Variants in RASSF8 observed in about 807,000 individuals in gnomAD.
RASSF8 encodes the protein Ras association domain family member 8, also known as ras association domain-containing protein 8.
RASSF8 carries 22 observed loss-of-function variants against 48.5 expected under a neutral mutation model. That is an observed-to-expected ratio of 0.45 (90% CI 0.32 to 0.65). The LOEUF (loss-of-function observed/expected upper bound fraction) is 0.65. Among genes scored for constraint, RASSF8 ranks in the 30% least tolerant of loss-of-function variants. RASSF8 has a pLI of 0.03. For missense variants in RASSF8, 418 were observed against 489.2 expected, an observed-to-expected ratio of 0.85 and a Z score of 1.37; for synonymous variants, 127 against 171.5, an observed-to-expected ratio of 0.74 and a Z score of 2.03.
At position 26,022,219 on chromosome 12, in the gene RASSF8, CAG is replaced by C. The variant is rs534420120; in HGVS notation, c.-109+27092_-109+27093del. 4.6e-5 allele frequency among the ~76,000 whole-genome samples: 7 copies of C among 152,268 alleles called. No homozygotes were observed. The South Asian group carries it at 1.5e-3, about 32-fold the overall frequency. ...GCAAAAGAGAGATAAGGGAAAGAGA[CAG>C]AGTCCTGCTAACATGACACTGTCAT... On this transcript the variant is annotated intron_variant, in intron 2 of 5. Transcript: ENST00000689635.
chr12:26,034,583 G>A (rs930168755), intron 2 of RASSF8, among the ~76,000 whole-genome samples: 11 of 152,064 alleles, frequency 7.2e-5, no homozygotes, highest in African/African-American at 2.4e-4. Flanking sequence ...CAGTGGGAAT[G>A]ACTAAGCAAA....
intron 1 of RASSF8, among the ~76,000 whole-genome samples, chr12:25,964,740 C>T (rs891623849): frequency 1.3e-5 from 2 of 152,034 alleles, no homozygotes; most frequent in South Asian, 2.1e-4. Flanking sequence ...GATTTATAAT[C>T]GATGAAACTC....
chr12:26,062,706 A>G lies in RASSF8; in HGVS notation c.104-1792A>G, dbSNP rs12318872. ...GGCAAGGGAGGGGAAAAAATAAATA[A>G]ATAAATAAAAGATCATTGTGATGAC... On this transcript the variant is annotated intron_variant, in intron 3 of 5. Coordinates refer to ENST00000689635, the MANE Select transcript of RASSF8 (RefSeq NM_001394098.1). Among the ~76,000 whole-genome samples, 1,093 of 152,296 alleles carry G rather than the reference A, an allele frequency of 7.2e-3. 15 individuals carry two copies. The highest frequency in any genetic ancestry group is 0.025 in the African/African-American group (1,037 of 41,562).
intron 1 of RASSF8, among the ~76,000 whole-genome samples, chr12:25,983,394 A>G (rs897175232): frequency 1.3e-5 from 2 of 152,256 alleles, no homozygotes; most frequent in Non-Finnish European, 2.9e-5. Context: ...TGTGACCCAC[A>G]GAAAGAAATT....
intron 2 of RASSF8, among the ~76,000 whole-genome samples, chr12:26,018,710 A>T (rs569942739): frequency 6.6e-6 from 1 of 152,220 alleles, no homozygotes; most frequent in Admixed American, 6.5e-5. Context: ...CAAACCAGGG[A>T]TAATTACCTG....
chr12:25,978,968 C>G (rs1334478455), intron 1 of RASSF8, among the ~76,000 whole-genome samples: 1 of 152,044 alleles, frequency 6.6e-6, no homozygotes, highest in East Asian at 1.9e-4. Context: ...ACAGCAGTCA[C>G]AGTACTTCAT....
At chr12:26,019,579 G>C (rs1162260788) in intron 2 of RASSF8, among the ~76,000 whole-genome samples, 2 of 149,422 alleles carry the variant, frequency 1.3e-5, no homozygotes, top group South Asian at 4.2e-4. Flanking sequence ...GTGTGTGTGT[G>C]TGTGTGTGTG....
At chr12:26,000,852 G>A (rs1942238725) in intron 2 of RASSF8, among the ~76,000 whole-genome samples, 1 of 152,144 alleles carries the variant, frequency 6.6e-6, no homozygotes, top group African/African-American at 2.4e-5. Flanking sequence ...AATGGAGCTT[G>A]CAGGTCTGGA....
chr12:26,046,334 C>T (rs554647934), intron 2 of RASSF8, among the ~76,000 whole-genome samples: 1 of 152,294 alleles, frequency 6.6e-6, no homozygotes, highest in South Asian at 2.1e-4. Context: ...ATAGAAGTAA[C>T]TGTGTCACTA....
Position 25,959,110 on chromosome 12 carries a change from T to G in RASSF8, c.-241T>G, listed in dbSNP as rs1941159396. On this transcript the variant is annotated 5_prime_UTR_variant, in exon 1 of 6. Transcript: ENST00000689635. The stretch of plus-strand genomic sequence containing the variant: ...CGTCCCCAGCGCCCCGGCCGGCCCC[T>G]CTGGGCGGCCTGCGGGGGCGGCGCA... 6.6e-6 allele frequency: 1 copy of G among 150,676 alleles called. No homozygotes were observed. The highest frequency in any genetic ancestry group is 1.5e-5 in the Non-Finnish European group (1 of 67,634). 9.3% of individuals were successfully genotyped at this position (150,676 alleles called of 1,614,324 possible).
At chr12:25,988,822 A>G (rs1429597084) in intron 1 of RASSF8, among the ~76,000 whole-genome samples, 6 of 152,224 alleles carry the variant, frequency 3.9e-5, no homozygotes, top group Admixed American at 3.3e-4. Context: ...AATGGGTCTA[A>G]ACAAGTAACA....
chr12:26,039,043 A>G (rs1042692744), intron 2 of RASSF8, among the ~76,000 whole-genome samples: 2 of 152,206 alleles, frequency 1.3e-5, no homozygotes, highest in African/African-American at 4.8e-5. Flanking sequence ...TTAGAATCAC[A>G]GAACTGTAAG....
At chr12:25,965,411 G>A (rs1242956400) in intron 1 of RASSF8, among the ~76,000 whole-genome samples, 2 of 147,474 alleles carry the variant, frequency 1.4e-5, no homozygotes, top group Non-Finnish European at 3.0e-5. Context: ...TGTTGCCCAG[G>A]CTGGAGTACA....
At chr12:26,012,043 G>T (rs939986142) in intron 2 of RASSF8, among the ~76,000 whole-genome samples, 1 of 152,080 alleles carries the variant, frequency 6.6e-6, no homozygotes, top group African/African-American at 2.4e-5. Flanking sequence ...AAACAATTAG[G>T]TACAATGTGT....
intron 2 of RASSF8, among the ~76,000 whole-genome samples, chr12:26,003,666 T>C (rs1222416302): frequency 1.3e-5 from 2 of 152,268 alleles, no homozygotes; most frequent in East Asian, 3.9e-4. Context: ...AAAGTGTTAA[T>C]GATGATTTTT....
At chr12:25,986,922 T>G (rs375716550) in intron 1 of RASSF8, among the ~76,000 whole-genome samples, 9 of 28,726 alleles carry the variant, frequency 3.1e-4, no homozygotes, top group Non-Finnish European at 4.9e-4. Flanking sequence ...CTACCGTTTT[T>G]TTTTTTTGTT....
At position 26,064,540 on chromosome 12, in the gene RASSF8, C is replaced by G. The variant is rs1200619925; in HGVS notation, c.146C>G (p.Thr49Ser). 6.2e-7 allele frequency: 1 copy of G among 1,606,622 alleles called. No homozygotes were observed. The highest frequency in any genetic ancestry group is 2.2e-5 in the East Asian group (1 of 44,800). ...RYTLIEKWRD[T>S]ERHLAPHENP... ...ACCCTTATAGAGAAATGGAGAGATA[C>G]TGAAAGACACTTAGCACCTCATGAA... is the stretch of plus-strand genomic sequence containing the variant. Residue 49 changes from threonine to serine, a missense_variant, in exon 4 of 6, where the codon ACT becomes AGT. Transcript: ENST00000689635.
chr12:25,973,131 C>G (rs1199082580), intron 1 of RASSF8, among the ~76,000 whole-genome samples: 1 of 152,018 alleles, frequency 6.6e-6, no homozygotes, highest in Non-Finnish European at 1.5e-5. Context: ...GCTTGAACTC[C>G]TGGGTTCAAG....
At chr12:26,039,422 T>C (rs75811779) in intron 2 of RASSF8, among the ~76,000 whole-genome samples, 2,861 of 152,198 alleles carry the variant, frequency 0.019, 50 homozygotes, top group Middle Eastern at 0.034. Flanking sequence ...TATTCAGTTC[T>C]TGTAACTTAA....
Sources: gnomAD v4.1 joint callset for allele counts (sites outside exome capture counted in the v4.1 genomes callset) on GRCh38, gnomAD v4.1.1 for gene constraint, MANE v1.5 for transcripts, NCBI Gene and HGNC (gene_info 2026-07-23, HGNC 2026-07-21) for gene names.